Variants in CWF19L2 observed in about 807,000 individuals in gnomAD.
CWF19L2 encodes CWF19 like cell cycle control factor 2, also known as CWF19-like protein 2.
A neutral mutation model predicts 111.7 loss-of-function variants in CWF19L2; 98 were observed. The ratio of observed to expected loss-of-function variants is 0.88; its 90% CI spans 0.75 to 1.04. CWF19L2 has a LOEUF of 1.04. CWF19L2 is among the 50% of genes least tolerant of loss of function. The pLI, the probability that CWF19L2 is intolerant of heterozygous loss-of-function variation, is 0.00. For missense variants in CWF19L2, 1,101 were observed against 1,051.4 expected (o/e 1.05, Z -0.65); for synonymous variants, 351 against 342.9 (o/e 1.02, Z -0.26).
At position 107,353,617 on chromosome 11, in the gene CWF19L2, C is replaced by T. The variant is rs1860190015; in HGVS notation, c.1992G>A (p.Glu664=). Residue 664 remains glutamate, a synonymous_variant, in exon 13 of 18, where the codon GAG becomes GAA. Coordinates refer to ENST00000282251, the MANE Select transcript of CWF19L2 (RefSeq NM_152434.3). ...EENQRKKAIA[E]HRSLAAQMEK... ...CCATTTGTGCAGCAAGACTCCGATG[C>T]TCAGCAATAGCTTTTTTCCTTTGGT... is the stretch of plus-strand genomic sequence containing the variant. 6.2e-7 allele frequency: 1 copy of T among 1,613,816 alleles called. No homozygotes were observed. The highest frequency in any genetic ancestry group is 8.5e-7 in the Non-Finnish European group (1 of 1,179,774).
rs1860492130 is a variant in CWF19L2, at chr11:107,370,520, T to C, written c.1873-16784A>G. 2.5e-5 allele frequency among the ~76,000 whole-genome samples: 3 copies of C among 121,586 alleles called. 1 individual carries two copies. The highest frequency in any genetic ancestry group is 5.1e-5 in the Non-Finnish European group (3 of 59,124). 79.8% of individuals were successfully genotyped at this position (121,586 alleles called of 152,430 possible). A position where few individuals can be genotyped will look rare whatever the true frequency, so the allele number is the denominator to read the frequency against. The stretch of plus-strand genomic sequence containing the variant: ...AAGTTTATGGCACAAGAATGAGTCA[T>C]TCTTTCATAAGTGATTGTTTCTTCA... On this transcript the variant is annotated intron_variant, in intron 12 of 17. Transcript: ENST00000282251.
chr11:107,394,819 C>T (rs1224629678), intron 10 of CWF19L2, among the ~76,000 whole-genome samples: 1 of 152,112 alleles, frequency 6.6e-6, no homozygotes, highest in Non-Finnish European at 1.5e-5. Context: ...GAAACCTAAT[C>T]ATCACCCATA....
intron 1 of CWF19L2, among the ~76,000 whole-genome samples, chr11:107,457,143 G>A (rs1382530690): frequency 1.3e-5 from 2 of 152,128 alleles, no homozygotes; most frequent in African/African-American, 4.8e-5. Context: ...CTATGTATCT[G>A]AAGTTTAGTG....
chr11:107,403,542 C>T (rs886761871), intron 10 of CWF19L2: 33 of 802,464 alleles, frequency 4.1e-5, no homozygotes, highest in Non-Finnish European at 7.2e-5. Flanking sequence ...TCCTTGTCCT[C>T]AGTAGTAGAC....
At chr11:107,391,589 C>T (rs1860847848) in intron 11 of CWF19L2, among the ~76,000 whole-genome samples, 1 of 152,118 alleles carries the variant, frequency 6.6e-6, no homozygotes, top group Admixed American at 6.6e-5. Flanking sequence ...TAATTCAGTC[C>T]CAGATTTTCC....
At chr11:107,342,729 CA>C (rs1860023235) in intron 14 of CWF19L2, among the ~76,000 whole-genome samples, 1 of 152,072 alleles carries the variant, frequency 6.6e-6, no homozygotes, top group Non-Finnish European at 1.5e-5. Flanking sequence ...ACAACATTAC[CA>C]TATATGGCAT....
At chr11:107,339,033 A>G (rs995988378) in intron 14 of CWF19L2, among the ~76,000 whole-genome samples, 2 of 152,206 alleles carry the variant, frequency 1.3e-5, no homozygotes, top group Admixed American at 6.5e-5. Context: ...TCCCACAAAC[A>G]GTGTATAAGC....
chr11:107,407,709 T>G (rs1861100208), intron 10 of CWF19L2, among the ~76,000 whole-genome samples: 1 of 152,006 alleles, frequency 6.6e-6, no homozygotes, highest in African/African-American at 2.4e-5. Context: ...TGTTCAAAGT[T>G]TGAGATAGTC....
intron 8 of CWF19L2, among the ~76,000 whole-genome samples, chr11:107,427,777 T>C (rs1861401536): frequency 6.6e-6 from 1 of 152,148 alleles, no homozygotes; most frequent in Non-Finnish European, 1.5e-5. Context: ...TCAATACAAT[T>C]GGATTTCTCC....
chr11:107,392,558 A>G (rs1300961761), intron 11 of CWF19L2, among the ~76,000 whole-genome samples: 1 of 152,210 alleles, frequency 6.6e-6, no homozygotes, highest in Admixed American at 6.5e-5. Flanking sequence ...TAAACATTCA[A>G]TGTTAACAAC....
chr11:107,373,398 T>C (rs1328065074), intron 12 of CWF19L2, among the ~76,000 whole-genome samples: 2 of 134,982 alleles, frequency 1.5e-5, no homozygotes, highest in African/African-American at 6.0e-5. Context: ...ACAGCAGTGG[T>C]TCTCCCAGCA....
intron 12 of CWF19L2, 149 bp from the exon 13 acceptor site, chr11:107,353,885 T>C (rs1213829553): frequency 1.1e-5 from 7 of 628,888 alleles, no homozygotes; most frequent in Non-Finnish European, 1.9e-5. Context: ...ATTTGTTTGA[T>C]CTTCTAGAGT....
At chr11:107,348,816 A>C in intron 14 of CWF19L2, 121 bp downstream of exon 14, 2 of 526,058 alleles carry the variant, frequency 3.8e-6, no homozygotes, top group South Asian at 6.0e-5. Flanking sequence ...ATGAAAACAC[A>C]CGTGTTTAAG....
chr11:107,385,117 T>C (rs559818256), intron 12 of CWF19L2, among the ~76,000 whole-genome samples: 2 of 152,110 alleles, frequency 1.3e-5, no homozygotes, highest in East Asian at 3.9e-4. Flanking sequence ...TAGTAACGCC[T>C]CAAATTTTTA....
chr11:107,375,811 C>CA (rs1860590050), intron 12 of CWF19L2, among the ~76,000 whole-genome samples: 2 of 79,452 alleles, frequency 2.5e-5, no homozygotes, highest in East Asian at 6.9e-4. Context: ...AAAAACCCTT[C>CA]AAAAAATTAA....
At chr11:107,447,117 A>T (rs781198033) in intron 3 of CWF19L2, among the ~76,000 whole-genome samples, 1 of 152,200 alleles carries the variant, frequency 6.6e-6, no homozygotes, top group Non-Finnish European at 1.5e-5. Context: ...ATGGCATCAA[A>T]CTAGAAATAC....
chr11:107,332,036 G>C (rs1194068191), intron 16 of CWF19L2, among the ~76,000 whole-genome samples: 1 of 152,134 alleles, frequency 6.6e-6, no homozygotes, highest in Non-Finnish European at 1.5e-5. Context: ...TTTATTTATG[G>C]TAGAAAAATA....
chr11:107,372,918 C>G (rs1860534238), intron 12 of CWF19L2, among the ~76,000 whole-genome samples: 1 of 124,822 alleles, frequency 8.0e-6, no homozygotes, highest in South Asian at 2.7e-4. Flanking sequence ...GGTGCGCGCA[C>G]CATGCGTGAG....
intron 3 of CWF19L2, among the ~76,000 whole-genome samples, chr11:107,452,284 T>C (rs1331726124): frequency 1.3e-5 from 2 of 152,150 alleles, no homozygotes; most frequent in Non-Finnish European, 2.9e-5. Flanking sequence ...TTCACTTTTT[T>C]CTTTTTTTTC....
Sources: allele counts gnomAD v4.1 joint callset (sites outside exome capture counted in the v4.1 genomes callset), GRCh38; gene constraint gnomAD v4.1.1; transcripts MANE v1.5; gene names NCBI Gene and HGNC (gene_info 2026-07-23, HGNC 2026-07-21).